The following AGAP3 variants were observed in gnomAD, a reference collection of about 807,000 sequenced individuals.
The protein encoded by AGAP3 is arf-GAP with GTPase, ANK repeat and PH domain-containing protein 3.
In AGAP3, 24 loss-of-function variants were observed where a neutral mutation model predicts 96.9. That is an observed-to-expected ratio of 0.25 (90% CI 0.18 to 0.35). AGAP3 has a LOEUF of 0.35. Ranked by LOEUF, AGAP3 falls within the 10% of genes least tolerant of loss-of-function variation. The probability of loss-of-function intolerance (pLI) is 1.00; values close to 1 mark genes in which losing one functional copy is unlikely to be tolerated. For missense variants in AGAP3, 876 were observed against 1,254.2 expected (o/e 0.70, Z 4.55); for synonymous variants, 563 against 536.1 (o/e 1.05, Z -0.69).
chr7:151,143,629 C>T lies in AGAP3; in HGVS notation c.2529+33C>T, dbSNP rs377092387. 39 of 1,596,564 alleles carry T rather than the reference C, an allele frequency of 2.4e-5. No homozygotes were observed. The African/African-American group carries it at 2.8e-4, about 12-fold the overall frequency. On this transcript the variant is annotated intron_variant, in intron 17 of 17. Coordinates refer to ENST00000397238, the MANE Select transcript of AGAP3 (RefSeq NM_031946.7). The surrounding 1 kb of genome is among the most constrained non-coding windows in gnomAD (Gnocchi z 5.9). ...ACGTGCCTCTAGCCTGCCCTGACCT[C>T]GCTCTTCTTAGCCTTGTTCTTTGAA...
chr7:151,131,839 C>T (rs896248328), intron 10 of AGAP3, among the ~76,000 whole-genome samples: 6 of 152,164 alleles, frequency 3.9e-5, no homozygotes, highest in African/African-American at 1.4e-4. Flanking sequence ...CCAGGGCTGT[C>T]GTGGGGCCTG....
rs759160065 is a variant in AGAP3 at position 151,142,890 on chromosome 7, C to T, written c.2273+256C>T. The stretch of plus-strand genomic sequence containing the variant: ...AGGCGCATGCGCAGGGCCCCTATCA[C>T]GGTGTGGTGCAGAGCGCCCACTCCG... On this transcript the variant is annotated intron_variant, in intron 16 of 17. Coordinates refer to ENST00000397238, the MANE Select transcript of AGAP3 (RefSeq NM_031946.7). This position sits in a 1 kb window ranked among gnomAD's most constrained non-coding sequence, Gnocchi z 7.5. Among the ~76,000 whole-genome samples the T allele has an allele frequency of 2.6e-5, 4 of 152,204 alleles. No homozygotes were observed. Among genetic ancestry groups the T allele is most frequent in the African/African-American group, 4.8e-5 (2 of 41,448 alleles).
At chr7:151,115,769 C>T in intron 1 of AGAP3, 4 of 531,246 alleles carry the variant, frequency 7.5e-6, no homozygotes, top group Non-Finnish European at 1.0e-5. Flanking sequence ...GACCGAGTGT[C>T]GTCCGCGCCT....
At chr7:151,111,567 A>C (rs556577182) in intron 1 of AGAP3, among the ~76,000 whole-genome samples, 1 of 150,798 alleles carries the variant, frequency 6.6e-6, no homozygotes, top group East Asian at 2.0e-4. Flanking sequence ...TCTCCCCGTC[A>C]TGACCCCCCC....
intron 10 of AGAP3, among the ~76,000 whole-genome samples, chr7:151,131,490 C>T (rs374471326): frequency 6.6e-5 from 10 of 152,160 alleles, no homozygotes; most frequent in African/African-American, 1.9e-4. Flanking sequence ...CCTGAGCAGC[C>T]GCCACCGCCA....
At chr7:151,087,156 A>G (rs1479644491) in intron 1 of AGAP3, 84 bp downstream of exon 1, 11 of 1,423,398 alleles carry the variant, frequency 7.7e-6, no homozygotes, top group Admixed American at 6.0e-5. Flanking sequence ...GTGCCTGGCC[A>G]TGCTCTCCCT....
intron 8 of AGAP3, chr7:151,122,936 C>T (rs1799979476): frequency 6.2e-6 from 9 of 1,452,204 alleles, no homozygotes; most frequent in Non-Finnish European, 7.2e-6. Flanking sequence ...CTAACCCCAC[C>T]CCCAGGGAAG....
chr7:151,090,441 T>C (rs1185326614), intron 1 of AGAP3: 2 of 145,194 alleles, frequency 1.4e-5, no homozygotes, highest in African/African-American at 5.1e-5. Context: ...CGGCCTGGCC[T>C]GGCCAGCAGA....
At chr7:151,137,819 G>T (rs1279891632) in intron 11 of AGAP3, 3 of 385,104 alleles carry the variant, frequency 7.8e-6, no homozygotes, top group African/African-American at 6.3e-5. Context: ...CCCTCAAGGA[G>T]CACTGCGGCG....
chr7:151,117,068 A>C (rs1035021754), intron 2 of AGAP3, 27 bp from the exon 3 acceptor site: 1 of 1,607,208 alleles, frequency 6.2e-7, no homozygotes, highest in East Asian at 2.2e-5. Flanking sequence ...CTGCCCTCTG[A>C]CCCACTCACC....
chr7:151,117,303 T>C, intron 3 of AGAP3, 68 bp from the exon 4 acceptor site: 1 of 1,600,456 alleles, frequency 6.2e-7, no homozygotes, highest in Non-Finnish European at 8.6e-7. Flanking sequence ...CATGGGAAGC[T>C]GTAGATTTCT....
intron 10 of AGAP3, among the ~76,000 whole-genome samples, chr7:151,131,569 C>T: frequency 6.6e-6 from 1 of 152,214 alleles, no homozygotes; most frequent in East Asian, 1.9e-4. Flanking sequence ...CCTGCTGATG[C>T]TCCTCAAGCT....
intron 1 of AGAP3, among the ~76,000 whole-genome samples, chr7:151,109,632 A>G (rs1265809559): frequency 1.3e-5 from 2 of 152,054 alleles, no homozygotes; most frequent in African/African-American, 4.8e-5. Flanking sequence ...CAACAACCCT[A>G]TTTCCAAATA....
chr7:151,088,419 C>T (rs1198149615), intron 1 of AGAP3, among the ~76,000 whole-genome samples: 2 of 152,226 alleles, frequency 1.3e-5, no homozygotes, highest in Non-Finnish European at 2.9e-5. Context: ...CCTGAATCAC[C>T]GCTGTGGCTG....
intron 1 of AGAP3, among the ~76,000 whole-genome samples, chr7:151,097,172 A>G (rs1251211630): frequency 6.6e-6 from 1 of 152,146 alleles, no homozygotes; most frequent in African/African-American, 2.4e-5. Flanking sequence ...AACCCAGTAT[A>G]TTCAAAATTG....
intron 1 of AGAP3, among the ~76,000 whole-genome samples, chr7:151,097,388 C>T (rs1798648034): frequency 6.6e-6 from 1 of 151,622 alleles, no homozygotes; most frequent in African/African-American, 2.4e-5. Flanking sequence ...AAAAATTAGC[C>T]AGCCCTGATG....
chr7:151,140,068 AAG>A lies in AGAP3; in HGVS notation c.1759_1760del (p.Ser587HisfsTer14). ...CAACCGGAAGAAGCACCGGAGGAAAAAGAGCACCGGGACCCCCCGACCAGACG... is the reference window on the plus strand; with the variant it reads ...CAACCGGAAGAAGCACCGGAGGAAAAAGCACCGGGACCCCCCGACCAGACG... ...HSNRKKHRRKKSTGTPRPDGP... is the reference protein window; with the variant it reads ...HSNRKKHRRKXSTGTPRPDGP... On this transcript the variant is annotated frameshift_variant, in exon 13 of 18. Transcript: ENST00000397238. LOFTEE classifies it high-confidence loss of function. The surrounding 1 kb of genome is among the most constrained non-coding windows in gnomAD (Gnocchi z 5.4). 1 of 1,606,168 alleles carries A rather than the reference AAG, an allele frequency of 6.2e-7. No homozygotes were observed. The highest frequency in any genetic ancestry group is 8.5e-7 in the Non-Finnish European group (1 of 1,176,758).
At chr7:151,134,255 C>T (rs1291154149) in intron 10 of AGAP3, 145 bp from the exon 11 acceptor site, 2 of 725,238 alleles carry the variant, frequency 2.8e-6, no homozygotes, top group Non-Finnish European at 4.2e-6. Flanking sequence ...GACTCGGAGA[C>T]ATTCTGTGGC....
intron 3 of AGAP3, 35 bp downstream of exon 3, chr7:151,117,217 C>T (rs370864615): frequency 2.2e-5 from 35 of 1,603,098 alleles, no homozygotes; most frequent in Non-Finnish European, 2.5e-5. Flanking sequence ...GCCCTGAGGC[C>T]GGCCACTCCT....
Sources: gnomAD v4.1 joint callset for allele counts (sites outside exome capture counted in the v4.1 genomes callset) on GRCh38, gnomAD v4.1.1 for gene constraint, Gnocchi (gnomAD v3.1) non-coding constraint, MANE v1.5 for transcripts, NCBI Gene and HGNC (gene_info 2026-07-23, HGNC 2026-07-21) for gene names.